Variants in PCDH9 observed in about 807,000 individuals in gnomAD.
The protein encoded by PCDH9 is protocadherin 9, also known as protocadherin-9.
A neutral mutation model predicts 70.6 loss-of-function variants in PCDH9; 24 were observed. The ratio of observed to expected loss-of-function variants is 0.34; its 90% CI spans 0.25 to 0.48. The LOEUF is 0.48. Among genes scored for constraint, PCDH9 ranks in the 20% least tolerant of loss-of-function variants. The probability of loss-of-function intolerance (pLI) is 0.99; values close to 1 mark genes in which losing one functional copy is unlikely to be tolerated. For synonymous variants in PCDH9, 562 were observed against 558.5 expected, an observed-to-expected ratio of 1.01 and a Z score of -0.09; for missense variants, 1,281 against 1,503.6, an observed-to-expected ratio of 0.85 and a Z score of 2.45.
chr13:66,744,090 G>A (rs140808983), intron 3 of PCDH9, among the ~76,000 whole-genome samples: 8 of 152,104 alleles, frequency 5.3e-5, no homozygotes, highest in Admixed American at 3.3e-4. Context: ...AAATCTTCTC[G>A]CAAAATCATG....
Position 66,303,247 on chromosome 13 carries a change from C to T in PCDH9, c.*1408G>A, listed in dbSNP as rs1955401069. 6.6e-6 allele frequency: 1 copy of T among 152,216 alleles called. No homozygotes were observed. Among genetic ancestry groups the T allele is most frequent in the Non-Finnish European group, 1.5e-5 (1 of 67,940 alleles). 9.4% of individuals were successfully genotyped at this position (152,216 alleles called of 1,614,324 possible). ...TCATCTGTCATGCCTTAACAAAAAC[C>T]TCCTAAGAATGTTCGAATTTGGATT... On this transcript the variant is annotated 3_prime_UTR_variant, in exon 5 of 5. Coordinates refer to ENST00000377865, the MANE Select transcript of PCDH9 (RefSeq NM_203487.3).
intron 4 of PCDH9, among the ~76,000 whole-genome samples, chr13:66,457,167 G>A (rs184203938): frequency 6.6e-6 from 1 of 152,024 alleles, no homozygotes; most frequent in East Asian, 1.9e-4. Context: ...AACAACAAAA[G>A]CAATTATTTT....
chr13:67,079,525 A>G (rs1028651246), intron 2 of PCDH9, among the ~76,000 whole-genome samples: 6 of 152,190 alleles, frequency 3.9e-5, no homozygotes, highest in African/African-American at 1.4e-4. Flanking sequence ...ATACAGCATA[A>G]CATGGCATAT....
At chr13:66,810,533 G>A (rs1392098304) in intron 3 of PCDH9, among the ~76,000 whole-genome samples, 1 of 151,850 alleles carries the variant, frequency 6.6e-6, no homozygotes, top group East Asian at 1.9e-4. Flanking sequence ...CTGGGAGCAG[G>A]TAGTTACTCA....
chr13:67,032,081 A>G (rs1334311640), intron 2 of PCDH9, among the ~76,000 whole-genome samples: 1 of 152,232 alleles, frequency 6.6e-6, no homozygotes, highest in African/African-American at 2.4e-5. Context: ...CCAGTGGAAA[A>G]GCCGGCAGTC....
In PCDH9 at chr13:66,828,851, T is replaced by C. The variant is rs545595840; in HGVS notation, c.3138+74653A>G. ...AATAATAATAACAACAATGTGGGGATAAAAAAAGTTCATATTTATATATAT... is the reference window on the plus strand; with the variant it reads ...AATAATAATAACAACAATGTGGGGACAAAAAAAGTTCATATTTATATATAT... On this transcript the variant is annotated intron_variant, in intron 3 of 4. Transcript: ENST00000377865. 2.0e-5 allele frequency among the ~76,000 whole-genome samples: 3 copies of C among 150,532 alleles called. No homozygotes were observed. The South Asian group carries it at 6.3e-4, about 31-fold the overall frequency.
At chr13:67,025,809 T>C (rs2084768665) in intron 2 of PCDH9, among the ~76,000 whole-genome samples, 1 of 152,086 alleles carries the variant, frequency 6.6e-6, no homozygotes, top group South Asian at 2.1e-4. Context: ...TCAATGTCAG[T>C]TTTACCTTAA....
intron 4 of PCDH9, among the ~76,000 whole-genome samples, chr13:66,602,746 C>T (rs1443685539): frequency 6.9e-6 from 1 of 145,710 alleles, no homozygotes; most frequent in Non-Finnish European, 1.5e-5. Flanking sequence ...TAGGCCTTCA[C>T]ATTTACTCAC....
intron 4 of PCDH9, among the ~76,000 whole-genome samples, chr13:66,514,828 T>C (rs569099986): frequency 1.4e-4 from 21 of 152,234 alleles, no homozygotes; most frequent in African/African-American, 5.1e-4. Flanking sequence ...TTCAACTATA[T>C]GTGATTATCT....
chr13:67,228,262 G>A lies in PCDH9; in HGVS notation c.179C>T (p.Ala60Val). ...SHINAATGTSASLVYRLVSKA... is the reference protein window; with the variant it reads ...SHINAATGTSVSLVYRLVSKA... ...AGAAACCAGTCTGTAGACAAGGCTGGCGCTGGTCCCTGTGGCAGCATTGAT... is the reference window on the plus strand; with the variant it reads ...AGAAACCAGTCTGTAGACAAGGCTGACGCTGGTCCCTGTGGCAGCATTGAT... Residue 60 changes from alanine (A) to valine (V), a missense_variant, in exon 2 of 5, where the codon GCC becomes GTC. Coordinates refer to ENST00000377865, the MANE Select transcript of PCDH9 (RefSeq NM_203487.3). 6.2e-7 allele frequency: 1 copy of A among 1,613,778 alleles called. No homozygotes were observed. The highest frequency in any genetic ancestry group is 8.5e-7 in the Non-Finnish European group (1 of 1,179,886).
At chr13:67,164,586 AAAAAG>A (rs1191916374) in intron 2 of PCDH9, among the ~76,000 whole-genome samples, 22 of 151,804 alleles carry the variant, frequency 1.4e-4, no homozygotes, top group African/African-American at 5.1e-4. Context: ...AAAAAAAAAA[AAAAAG>A]AAAAAAAAGA....
Position 66,974,657 on chromosome 13 carries a change from C to T in PCDH9, c.3037-71052G>A, listed in dbSNP as rs114371703. On this transcript the variant is annotated intron_variant, in intron 2 of 4. Coordinates refer to ENST00000377865, the MANE Select transcript of PCDH9 (RefSeq NM_203487.3). The stretch of plus-strand genomic sequence containing the variant: ...CAAATTGTTTGTGACCTACTCTATG[C>T]GCCTAACTCCTTAAAGCACATTAAA... 4.0e-3 allele frequency among the ~76,000 whole-genome samples: 603 copies of T among 152,090 alleles called. 3 individuals are homozygous for T. Among genetic ancestry groups the T allele is most frequent in the African/African-American group, 0.013 (559 of 41,516 alleles).
chr13:66,316,161 C>T (rs1955648234), intron 4 of PCDH9, among the ~76,000 whole-genome samples: 1 of 152,162 alleles, frequency 6.6e-6, no homozygotes, highest in African/African-American at 2.4e-5. Flanking sequence ...CTGACTCCTT[C>T]ATCCTTCTTA....
intron 4 of PCDH9, among the ~76,000 whole-genome samples, chr13:66,563,758 G>GT: frequency 6.6e-6 from 1 of 151,984 alleles, no homozygotes; most frequent in African/African-American, 2.4e-5. Context: ...ACATTTTTCT[G>GT]TTTTTTCGTT....
chr13:66,550,386 T>G (rs1381260461), intron 4 of PCDH9, among the ~76,000 whole-genome samples: 1 of 152,174 alleles, frequency 6.6e-6, no homozygotes, highest in African/African-American at 2.4e-5. Flanking sequence ...CTTCTGGTTT[T>G]TCCCTAATAT....
chr13:66,779,868 CAT>C (rs1409562747), intron 3 of PCDH9, among the ~76,000 whole-genome samples: 2 of 26,310 alleles, frequency 7.6e-5, no homozygotes, highest in African/African-American at 2.7e-4. Flanking sequence ...TATATATATA[CAT>C]ATATGTGTGT....
intron 2 of PCDH9, among the ~76,000 whole-genome samples, chr13:67,049,317 C>T (rs949328992): frequency 2.0e-5 from 3 of 152,122 alleles, no homozygotes; most frequent in African/African-American, 7.2e-5. Context: ...GTATTAAGGA[C>T]AATGTTTCTA....
At chr13:66,564,376 G>A (rs2076621984) in intron 4 of PCDH9, among the ~76,000 whole-genome samples, 1 of 151,998 alleles carries the variant, frequency 6.6e-6, no homozygotes, top group South Asian at 2.1e-4. Flanking sequence ...TTTTTGCCCA[G>A]GCTGGTCTTG....
intron 4 of PCDH9, among the ~76,000 whole-genome samples, chr13:66,310,904 A>C (rs928988728): frequency 6.6e-6 from 1 of 152,218 alleles, no homozygotes; most frequent in East Asian, 1.9e-4. Context: ...AAGAACATAC[A>C]TCACTATTTT....
Sources: allele counts gnomAD v4.1 joint callset (sites outside exome capture counted in the v4.1 genomes callset), GRCh38; gene constraint gnomAD v4.1.1; transcripts MANE v1.5; gene names NCBI Gene and HGNC (gene_info 2026-07-23, HGNC 2026-07-21).